MAML3: variants seen among roughly 807,000 people sequenced by gnomAD.
MAML3 encodes the protein mastermind like transcriptional coactivator 3.
A neutral mutation model predicts 101.9 loss-of-function variants in MAML3; 27 were observed. The ratio of observed to expected loss-of-function variants is 0.27; its 90% CI spans 0.20 to 0.37. MAML3 has a LOEUF of 0.37. MAML3 is among the 10% of genes least tolerant of loss of function. The pLI, the probability that MAML3 is intolerant of heterozygous loss-of-function variation, is 1.00. For synonymous variants in MAML3, 501 were observed against 555.9 expected (o/e 0.90, Z 1.39); for missense variants, 1,316 against 1,444.9 (o/e 0.91, Z 1.45).
chr4:139,947,118 A>T (rs917004237), intron 1 of MAML3, among the ~76,000 whole-genome samples: 8 of 152,204 alleles, frequency 5.3e-5, no homozygotes, highest in Non-Finnish European at 1.2e-4. Context: ...TTTGCATAAA[A>T]AAGTCCCTTT....
intron 1 of MAML3, among the ~76,000 whole-genome samples, chr4:139,921,663 A>G (rs960837769): frequency 6.6e-6 from 1 of 151,934 alleles, no homozygotes; most frequent in African/African-American, 2.4e-5. Context: ...CAGCAAATCT[A>G]AAGAGAATCA....
chr4:139,762,528 G>A (rs1020567342), intron 2 of MAML3, among the ~76,000 whole-genome samples: 4 of 152,062 alleles, frequency 2.6e-5, no homozygotes, highest in Non-Finnish European at 4.4e-5. Flanking sequence ...AAATGATAAC[G>A]GTCCCCAAAG....
intron 2 of MAML3, among the ~76,000 whole-genome samples, chr4:139,782,655 T>C (rs1730238890): frequency 6.6e-6 from 1 of 152,188 alleles, no homozygotes. Context: ...TGTCCTGTAA[T>C]GAATGGCAAA....
At chr4:140,113,875 C>T (rs1250461136) in intron 1 of MAML3, among the ~76,000 whole-genome samples, 2 of 152,184 alleles carry the variant, frequency 1.3e-5, no homozygotes, top group Non-Finnish European at 1.5e-5. Flanking sequence ...ATGCTGCTCT[C>T]CAGGCAGGGA....
At position 139,814,624 on chromosome 4, in the gene MAML3, AT is replaced by A. The variant is rs1730863755; in HGVS notation, c.2079+74732del. On this transcript the variant is annotated intron_variant, in intron 2 of 4. Coordinates refer to ENST00000509479, the MANE Select transcript of MAML3 (RefSeq NM_018717.5). Reference sequence around the variant, plus strand: ...AACTGTAATGAACTGTGTGGTTCAGATACTTTTTGGTACAGCTACGATAGCT... The same window carrying A: ...AACTGTAATGAACTGTGTGGTTCAGAACTTTTTGGTACAGCTACGATAGCT... Among the ~76,000 whole-genome samples the A allele has an allele frequency of 2.0e-5, 3 of 152,272 alleles. No individual in the cohort carries two copies. The South Asian group carries it at 6.2e-4, about 32-fold the overall frequency.
chr4:139,729,383 G>A (rs1443432869), intron 3 of MAML3, among the ~76,000 whole-genome samples: 1 of 152,126 alleles, frequency 6.6e-6, no homozygotes, highest in Non-Finnish European at 1.5e-5. Flanking sequence ...ACTTTGGGAG[G>A]CTGAGATGGG....
intron 1 of MAML3, among the ~76,000 whole-genome samples, chr4:139,981,589 C>A (rs1449652015): frequency 6.6e-6 from 1 of 152,132 alleles, no homozygotes; most frequent in Admixed American, 6.6e-5. Context: ...AAAATTCATA[C>A]TTTACTCAGA....
At chr4:140,135,393 A>G (rs1387373898) in intron 1 of MAML3, among the ~76,000 whole-genome samples, 1 of 152,264 alleles carries the variant, frequency 6.6e-6, no homozygotes, top group African/African-American at 2.4e-5. Flanking sequence ...AGTACTGAGC[A>G]CCAATGAATT....
chr4:140,029,692 C>T (rs542218158), intron 1 of MAML3, among the ~76,000 whole-genome samples: 1 of 152,128 alleles, frequency 6.6e-6, no homozygotes, highest in Non-Finnish European at 1.5e-5. Context: ...TCTAAAAAGA[C>T]TGAAACAAGT....
At chr4:139,731,027 C>T (rs759114196) in intron 2 of MAML3, 19 of 259,028 alleles carry the variant, frequency 7.3e-5, no homozygotes, top group South Asian at 3.6e-4. Context: ...GTCTGGAACA[C>T]GAGACACATC....
chr4:140,066,206 T>G (rs1006637676), intron 1 of MAML3, among the ~76,000 whole-genome samples: 4 of 152,240 alleles, frequency 2.6e-5, no homozygotes, highest in Non-Finnish European at 5.9e-5. Context: ...CAAACAGACC[T>G]GAGTATGAAT....
At chr4:139,810,995 G>GC (rs2065496559) in intron 2 of MAML3, among the ~76,000 whole-genome samples, 1 of 152,210 alleles carries the variant, frequency 6.6e-6, no homozygotes, top group South Asian at 2.1e-4. Context: ...CAGACGTAAG[G>GC]CCAGCAGTGA....
At chr4:140,053,720 A>G (rs550538350) in intron 1 of MAML3, among the ~76,000 whole-genome samples, 1 of 152,338 alleles carries the variant, frequency 6.6e-6, no homozygotes, top group Admixed American at 6.5e-5. Flanking sequence ...TCGAGGCTCT[A>G]ATGTAGGGAG....
chr4:140,033,065 G>A (rs1040747221), intron 1 of MAML3, among the ~76,000 whole-genome samples: 5 of 152,132 alleles, frequency 3.3e-5, no homozygotes, highest in African/African-American at 1.2e-4. Flanking sequence ...GCATGAGTCT[G>A]TTTTGGAATT....
intron 1 of MAML3, among the ~76,000 whole-genome samples, chr4:140,108,660 GTGTA>G (rs1728392073): frequency 1.3e-5 from 2 of 150,822 alleles, no homozygotes; most frequent in African/African-American, 4.9e-5. Flanking sequence ...CCAGCATTTA[GTGTA>G]TGTTCAATCC....
At chr4:140,091,532 C>CAA (rs1218380120) in intron 1 of MAML3, among the ~76,000 whole-genome samples, 47 of 12,088 alleles carry the variant, frequency 3.9e-3, no homozygotes, top group Non-Finnish European at 0.019. Flanking sequence ...AACAAAACAA[C>CAA]AAAACAAAAA....
chr4:140,152,255 T>C (rs1729186289), intron 1 of MAML3, among the ~76,000 whole-genome samples: 1 of 152,126 alleles, frequency 6.6e-6, no homozygotes, highest in Non-Finnish European at 1.5e-5. Context: ...CACTTCAAAG[T>C]TCATTCACAA....
At chr4:140,090,460 ACTGTT>A (rs1387979668) in intron 1 of MAML3, among the ~76,000 whole-genome samples, 1 of 152,254 alleles carries the variant, frequency 6.6e-6, no homozygotes, top group South Asian at 2.1e-4. Flanking sequence ...AGTTCCAGGC[ACTGTT>A]CTAAGTGCTT....
At position 139,802,066 on chromosome 4, in the gene MAML3, G is replaced by A. The variant is rs192485620; in HGVS notation, c.2080-71399C>T. On this transcript the variant is annotated intron_variant, in intron 2 of 4. Coordinates refer to ENST00000509479, the MANE Select transcript of MAML3 (RefSeq NM_018717.5). ...TTTGGCTATAGGGTTTCAACCCTAC[G>A]GCTCGGATCGGCAACAGACTACTTC... Among the ~76,000 whole-genome samples, 79 of 152,246 alleles carry A rather than the reference G, an allele frequency of 5.2e-4. 1 individual carries two copies. Among genetic ancestry groups the A allele is most frequent in the African/African-American group, 1.7e-3 (72 of 41,554 alleles).
Sources: allele counts gnomAD v4.1 joint callset (sites outside exome capture counted in the v4.1 genomes callset), GRCh38; gene constraint gnomAD v4.1.1; transcripts MANE v1.5; gene names NCBI Gene and HGNC (gene_info 2026-07-23, HGNC 2026-07-21).